Variants in ATR observed in about 807,000 individuals in gnomAD.
ATR encodes serine/threonine-protein kinase ATR.
ATR carries 142 observed loss-of-function variants against 305.3 expected under a neutral mutation model. The ratio of observed to expected loss-of-function variants is 0.47; its 90% CI spans 0.41 to 0.53. ATR has a LOEUF of 0.53. Ranked by LOEUF, ATR falls within the 20% of genes least tolerant of loss-of-function variation. The pLI, the probability that ATR is intolerant of heterozygous loss-of-function variation, is 0.00. For synonymous variants in ATR, 1,050 were observed against 1,068.1 expected, an observed-to-expected ratio of 0.98 and a Z score of 0.33; for missense variants, 2,135 against 3,133.1, an observed-to-expected ratio of 0.68 and a Z score of 7.60.
intron 2 of ATR, 95 bp from the exon 3 acceptor site, chr3:142,566,356 CTCCT>C: frequency 7.4e-7 from 1 of 1,353,072 alleles, no homozygotes; most frequent in East Asian, 2.4e-5. Context: ...AGGTGCCTCA[CTCCT>C]GTAACCCCTG....
rs1296977158 is a variant in ATR at position 142,550,245 on chromosome 3, G to C, written c.2863C>G (p.Gln955Glu). ...TCTTGTTTTCGCACGTCAGCATTCT[G>C]GCATGGAGTATTCGGAAGTGCTGTC... ...QMTALPNTPCQNADVRKQDVA... is the reference protein window; with the variant it reads ...QMTALPNTPCENADVRKQDVA... The change falls in exon 14 of 47, where the codon CAG (glutamine) becomes GAG (glutamate). Residue 955 changes from glutamine to glutamate, a missense_variant. Around this residue, in one of 9 missense-constraint regions of ATR, gnomAD observed 530 missense variants for 766.8 expected, o/e 0.69. Coordinates refer to ENST00000350721, the MANE Select transcript of ATR (RefSeq NM_001184.4). 4 of 1,614,094 alleles carry C rather than the reference G, an allele frequency of 2.5e-6. No individual in the cohort carries two copies. In the Admixed American group the frequency reaches 5.0e-5, roughly 20 times the overall value.
chr3:142,450,789 A>G, intron 46 of ATR: 1 of 1,437,894 alleles, frequency 7.0e-7, no homozygotes, highest in Non-Finnish European at 9.2e-7. Context: ...CTGCGTGGAC[A>G]GAACATGTTC....
At position 142,556,424 on chromosome 3, in the gene ATR, C is replaced by G. The variant is rs1161256882; in HGVS notation, c.2037G>C (p.Leu679Phe). The part of the protein sequence containing the change: ...ASCVSGFFIL[L>F]QQQNSCNRVP... ...CTCTGTTACAAGAATTCTGCTGCTG[C>G]AATAAGATAAAAAATCCACTAACAC... The change falls in exon 9 of 47, where the codon TTG becomes TTC. Residue 679 changes from leucine to phenylalanine, a missense_variant. Around this residue, in one of 9 missense-constraint regions of ATR, gnomAD observed 744 missense variants for 873.2 expected, o/e 0.85. Coordinates refer to ENST00000350721, the MANE Select transcript of ATR (RefSeq NM_001184.4). The G allele has an allele frequency of 6.2e-7, 1 of 1,614,044 alleles. No homozygotes were observed. Among genetic ancestry groups the G allele is most frequent in the East Asian group, 2.2e-5 (1 of 44,874 alleles).
At chr3:142,524,262 C>T in intron 21 of ATR, 63 bp from the exon 22 acceptor site, 1 of 1,416,228 alleles carries the variant, frequency 7.1e-7, no homozygotes, top group Non-Finnish European at 9.8e-7. Flanking sequence ...TTTTCCTGAG[C>T]TAGGAAGCTT....
chr3:142,457,395 C>T (rs571552913), intron 45 of ATR, among the ~76,000 whole-genome samples: 3 of 152,136 alleles, frequency 2.0e-5, no homozygotes, highest in Middle Eastern at 6.8e-3. Context: ...AATGGATGCA[C>T]AATCTTGTGA....
chr3:142,553,497 C>T (rs531268907), intron 12 of ATR, 99 bp from the exon 13 acceptor site: 48 of 1,466,560 alleles, frequency 3.3e-5, no homozygotes, highest in Non-Finnish European at 4.1e-5. Flanking sequence ...CAGAAACAAA[C>T]GGAAATCTAC....
chr3:142,500,848 AT>A (rs1248535064), intron 30 of ATR, among the ~76,000 whole-genome samples: 2 of 152,210 alleles, frequency 1.3e-5, no homozygotes, highest in African/African-American at 4.8e-5. Flanking sequence ...AAATTTCAGG[AT>A]AAAAATCTCA....
At chr3:142,510,939 A>T (rs991017919) in intron 27 of ATR, among the ~76,000 whole-genome samples, 15 of 152,222 alleles carry the variant, frequency 9.9e-5, no homozygotes, top group African/African-American at 3.4e-4. Context: ...TCTTAGTGAA[A>T]GTTGTAATAT....
chr3:142,457,387 T>C (rs1232294672), intron 45 of ATR, among the ~76,000 whole-genome samples: 1 of 152,128 alleles, frequency 6.6e-6, no homozygotes, highest in Non-Finnish European at 1.5e-5. Flanking sequence ...ATAGTGGTAA[T>C]GGATGCACAA....
chr3:142,496,334 A>ATC lies in ATR; in HGVS notation c.5898+26_5898+27insGA, dbSNP rs2031639043. The stretch of plus-strand genomic sequence containing the variant: ...TATATATATATATATATATATATAT[A>ATC]TATGATGACATTTCCCTGGCCATTA... On this transcript the variant is annotated intron_variant, in intron 34 of 46. Coordinates refer to ENST00000350721, the MANE Select transcript of ATR (RefSeq NM_001184.4). 9.1e-6 allele frequency: 6 copies of ATC among 656,058 alleles called. 1 individual carries two copies. The African/African-American group carries it at 1.3e-4, about 14-fold the overall frequency. The allele number at this position is 656,058 out of a possible 1,614,324, so 40.6% of individuals were successfully genotyped here.
intron 1 of ATR, among the ~76,000 whole-genome samples, chr3:142,577,542 G>A (rs2035479908): frequency 6.6e-6 from 1 of 152,180 alleles, no homozygotes; most frequent in Admixed American, 6.5e-5. Context: ...ATGCAGTTAC[G>A]ACAAGAATGG....
chr3:142,548,939 G>T (rs2034374224), intron 15 of ATR, among the ~76,000 whole-genome samples: 1 of 152,070 alleles, frequency 6.6e-6, no homozygotes, highest in South Asian at 2.1e-4. Context: ...TAACATCAGA[G>T]AAAACAGTAA....
At chr3:142,544,621 C>CAAAAAAAA (rs71153972) in intron 16 of ATR, among the ~76,000 whole-genome samples, 120 of 83,576 alleles carry the variant, frequency 1.4e-3, no homozygotes, top group South Asian at 1.9e-3. Flanking sequence ...AAGAAAGGAG[C>CAAAAAAAA]AAAAAAAAAA....
chr3:142,449,601 G>A lies in ATR; in HGVS notation c.7763C>T (p.Ala2588Val), dbSNP rs1193847387. 6.2e-7 allele frequency: 1 copy of A among 1,613,758 alleles called. No individual in the cohort carries two copies. Among genetic ancestry groups the A allele is most frequent in the Non-Finnish European group, 8.5e-7 (1 of 1,179,862 alleles). The change falls in exon 47 of 47, where the codon GCC becomes GTC. Residue 2588 changes from alanine to valine, a missense_variant and splice_region_variant. Coordinates refer to ENST00000350721, the MANE Select transcript of ATR (RefSeq NM_001184.4). ...CTCAATGTCAAGAACATGGGTCTTG[G>A]CCTAAAAAGAAGAAACATAAAACCA... ...NETGEVVNEKAKTHVLDIEQR... is the reference protein window; with the variant it reads ...NETGEVVNEKVKTHVLDIEQR...
Position 142,497,109 on chromosome 3 carries a change from A to G in ATR, c.5642T>C (p.Leu1881Pro), listed in dbSNP as rs145185913. The G allele has an allele frequency of 3.2e-5, 51 of 1,613,936 alleles. No individual in the cohort carries two copies. The highest frequency in any genetic ancestry group is 4.0e-5 in the Non-Finnish European group (47 of 1,179,924). The change falls in exon 33 of 47, where the codon CTA becomes CCA. Residue 1881 changes from leucine to proline, a missense_variant. By Grantham distance (98) the Leu-to-Pro change is moderately conservative. Around this residue, in one of 9 missense-constraint regions of ATR, gnomAD observed 117 missense variants for 198.3 expected, o/e 0.59. Transcript: ENST00000350721. Reference protein sequence around the residue: ...SPGDSSQEDSLNWVARLEMTQ... With the variant: ...SPGDSSQEDSPNWVARLEMTQ... ...CATTTCTAGTCGAGCTACCCAGTTTAGAGAATCTTCTTGAGAACTGTCACC... is the reference window on the plus strand; with the variant it reads ...CATTTCTAGTCGAGCTACCCAGTTTGGAGAATCTTCTTGAGAACTGTCACC...
intron 46 of ATR, chr3:142,452,169 C>T (rs1384724174): frequency 4.9e-6 from 5 of 1,013,380 alleles, no homozygotes; most frequent in African/African-American, 3.5e-5. Context: ...AGGATGGGGG[C>T]GTACAGGTCT....
chr3:142,472,916 A>C (rs189208438), intron 36 of ATR, among the ~76,000 whole-genome samples: 101 of 152,280 alleles, frequency 6.6e-4, no homozygotes, highest in Admixed American at 1.7e-3. Flanking sequence ...CTGGGATTAC[A>C]TGCATGAGCC....
At chr3:142,508,168 AATTTAAGT>A in intron 27 of ATR, 59 bp from the exon 28 acceptor site, 1 of 1,417,402 alleles carries the variant, frequency 7.1e-7, no homozygotes, top group Non-Finnish European at 9.7e-7. Context: ...TAAAAGTGTC[AATTTAAGT>A]ATTTAAGTTC....
At chr3:142,487,797 T>C (rs2031035106) in intron 35 of ATR, among the ~76,000 whole-genome samples, 2 of 152,244 alleles carry the variant, frequency 1.3e-5, no homozygotes, top group Admixed American at 6.5e-5. Flanking sequence ...GTTTTTGTTA[T>C]GTTTAAGAAG....
Sources: allele counts gnomAD v4.1 joint callset (sites outside exome capture counted in the v4.1 genomes callset), GRCh38; gene constraint gnomAD v4.1.1; regional missense constraint gnomAD v4.1.1; transcripts MANE v1.5; gene names NCBI Gene and HGNC (gene_info 2026-07-23, HGNC 2026-07-21).